The following RYR3 variants were observed in gnomAD, a reference collection of about 807,000 sequenced individuals.
The protein encoded by RYR3 is ryanodine receptor 3, also known as brain ryanodine receptor-calcium release channel.
Under a neutral mutation model 584.3 loss-of-function variants are expected in RYR3, and 207 were observed. That is an observed-to-expected ratio of 0.35 (90% CI 0.32 to 0.40). The LOEUF is 0.40. Among genes scored for constraint, RYR3 ranks in the 10% least tolerant of loss-of-function variants. The probability of loss-of-function intolerance (pLI) is 1.00; values close to 1 mark genes in which losing one functional copy is unlikely to be tolerated. For synonymous variants in RYR3, 2,416 were observed against 2,248.5 expected, an observed-to-expected ratio of 1.07 and a Z score of -2.11; for missense variants, 5,616 against 6,089.2, an observed-to-expected ratio of 0.92 and a Z score of 2.59.
rs981417015 is a variant in RYR3, at chr15:33,323,020, T to C, written c.51+11924T>C. On this transcript the variant is annotated intron_variant, in intron 1 of 103. Transcript: ENST00000634891. ...GAGTGTGAATTCTGAATTTGTCATTTATGTTTGTAGAGCTGCAATAAGCAC... is the reference window on the plus strand; with the variant it reads ...GAGTGTGAATTCTGAATTTGTCATTCATGTTTGTAGAGCTGCAATAAGCAC... Among the ~76,000 whole-genome samples the C allele has an allele frequency of 3.3e-5, 5 of 151,728 alleles. No individual in the cohort carries two copies. The East Asian group carries it at 5.9e-4, about 18-fold the overall frequency.
chr15:33,391,618 T>G (rs1421333421), intron 1 of RYR3, among the ~76,000 whole-genome samples: 1 of 117,298 alleles, frequency 8.5e-6, no homozygotes, highest in Non-Finnish European at 1.8e-5. Context: ...AGAGCGAGAC[T>G]CTGTCTCAAA....
At chr15:33,384,188 C>A (rs1290600514) in intron 1 of RYR3, among the ~76,000 whole-genome samples, 1 of 152,032 alleles carries the variant, frequency 6.6e-6, no homozygotes, top group African/African-American at 2.4e-5. Flanking sequence ...AGCTTTTGGA[C>A]CCAGACCGAG....
At chr15:33,567,393 T>C (rs188881646) in intron 12 of RYR3, among the ~76,000 whole-genome samples, 1 of 152,202 alleles carries the variant, frequency 6.6e-6, no homozygotes, top group African/African-American at 2.4e-5. Context: ...CTGTGCAGTG[T>C]TCCAAGACCA....
intron 3 of RYR3, among the ~76,000 whole-genome samples, chr15:33,522,736 C>T (rs1189858175): frequency 6.6e-6 from 1 of 152,092 alleles, no homozygotes; most frequent in Non-Finnish European, 1.5e-5. Flanking sequence ...ATACCAGTTT[C>T]AGGGAGTTAG....
chr15:33,636,500 T>TC lies in RYR3; in HGVS notation c.3507dup (p.Thr1170HisfsTer6). The TC allele has an allele frequency of 6.2e-7, 1 of 1,612,130 alleles. No homozygotes were observed. Among genetic ancestry groups the TC allele is most frequent in the Non-Finnish European group, 8.5e-7 (1 of 1,179,166 alleles). ...TTCACACTGAATGGGGAGCTGCTGA[T>TC]CACCAACAAAGGCTCTGAACTTGCC... On this transcript the variant is annotated frameshift_variant, in exon 27 of 104. Transcript: ENST00000634891. LOFTEE classifies it high-confidence loss of function.
intron 38 of RYR3, among the ~76,000 whole-genome samples, chr15:33,678,669 A>G (rs2064357107): frequency 6.6e-6 from 1 of 152,240 alleles, no homozygotes; most frequent in Non-Finnish European, 1.5e-5. Flanking sequence ...GTACATACCC[A>G]AAAATTAAAT....
chr15:33,686,685 C>T (rs2152748612), intron 38 of RYR3, among the ~76,000 whole-genome samples: 1 of 152,322 alleles, frequency 6.6e-6, no homozygotes, highest in Admixed American at 6.5e-5. Flanking sequence ...CAATAAAATA[C>T]TGGCAAACTG....
intron 7 of RYR3, among the ~76,000 whole-genome samples, chr15:33,541,910 G>A (rs949420733): frequency 6.6e-6 from 1 of 152,066 alleles, no homozygotes. Flanking sequence ...GAATCAAGAA[G>A]CTCTGGGTTT....
intron 9 of RYR3, 61 bp downstream of exon 9, chr15:33,548,265 C>A (rs2056402625): frequency 9.9e-7 from 1 of 1,010,426 alleles, no homozygotes; most frequent in Non-Finnish European, 1.5e-6. Context: ...ACAGGCCGTT[C>A]TCTTAAATAT....
intron 57 of RYR3, 119 bp from the exon 58 acceptor site, chr15:33,754,946 C>G: frequency 1.5e-6 from 1 of 645,234 alleles, no homozygotes; most frequent in South Asian, 1.9e-5. Context: ...AGTCATGTCA[C>G]TACGCCAGAA....
chr15:33,722,975 G>A, intron 44 of RYR3, 80 bp downstream of exon 44: 1 of 1,259,346 alleles, frequency 7.9e-7, no homozygotes, highest in South Asian at 1.6e-5. Flanking sequence ...TGATTTAGGA[G>A]GTAATAGAGA....
Position 33,465,034 on chromosome 15 carries a change from G to A in RYR3, c.52-8385G>A, listed in dbSNP as rs2048372691. Among the ~76,000 whole-genome samples, 4 of 152,216 alleles carry A rather than the reference G, an allele frequency of 2.6e-5. No individual in the cohort carries two copies. The South Asian group carries it at 8.3e-4, about 32-fold the overall frequency. ...TTTCAGCTAGCATAATGCCGTCCAG[G>A]ATCCAATAACATCTGTGTTATTGCA... On this transcript the variant is annotated intron_variant, in intron 1 of 103. Coordinates refer to ENST00000634891, the MANE Select transcript of RYR3 (RefSeq NM_001036.6).
chr15:33,773,665 C>CTT (rs376450187), intron 64 of RYR3, 50 bp downstream of exon 64: 2 of 1,205,424 alleles, frequency 1.7e-6, no homozygotes, highest in African/African-American at 1.5e-5. Context: ...TAAAATGTTA[C>CTT]TTACAGCCTT....
chr15:33,471,793 C>T (rs999558329), intron 1 of RYR3, among the ~76,000 whole-genome samples: 2 of 152,096 alleles, frequency 1.3e-5, no homozygotes. Context: ...TGAGTACTAC[C>T]TCTTGCATTG....
rs563677697 is a variant in RYR3 at position 33,633,588 on chromosome 15, A to G, written c.3027+480A>G. ...ACCAATGGTAGGGTTAGTATCAGGG[A>G]CGTTCAGGAGTGGCTATGTGCACAT... On this transcript the variant is annotated intron_variant, in intron 24 of 103. Coordinates refer to ENST00000634891, the MANE Select transcript of RYR3 (RefSeq NM_001036.6). 5.3e-5 allele frequency among the ~76,000 whole-genome samples: 8 copies of G among 152,282 alleles called. No homozygotes were observed. The East Asian group carries it at 1.2e-3, about 22-fold the overall frequency.
intron 25 of RYR3, among the ~76,000 whole-genome samples, chr15:33,635,093 C>T (rs1050611105): frequency 3.9e-5 from 6 of 152,178 alleles, no homozygotes; most frequent in African/African-American, 1.2e-4. Context: ...CAGGTAATCA[C>T]ATCTCCAAAT....
chr15:33,457,745 T>G (rs1165578095), intron 1 of RYR3, among the ~76,000 whole-genome samples: 1 of 152,144 alleles, frequency 6.6e-6, no homozygotes, highest in Non-Finnish European at 1.5e-5. Context: ...TGCCAAGAAG[T>G]GATACATGTG....
chr15:33,534,252 T>A (rs1419996146), intron 5 of RYR3, among the ~76,000 whole-genome samples: 1 of 152,094 alleles, frequency 6.6e-6, no homozygotes, highest in Non-Finnish European at 1.5e-5. Flanking sequence ...AGTACAAAAA[T>A]TAGCTGGGTG....
chr15:33,763,577 G>A (rs943142479), intron 60 of RYR3, among the ~76,000 whole-genome samples: 8 of 152,172 alleles, frequency 5.3e-5, no homozygotes, highest in East Asian at 1.9e-4. Context: ...ACCATCTCAC[G>A]CCAGTTAGAA....
Sources: gnomAD v4.1 joint callset for allele counts (sites outside exome capture counted in the v4.1 genomes callset) on GRCh38, gnomAD v4.1.1 for gene constraint, MANE v1.5 for transcripts, NCBI Gene and HGNC (gene_info 2026-07-23, HGNC 2026-07-21) for gene names.